The following INVS variants were observed in gnomAD, a reference collection of about 807,000 sequenced individuals.
The protein encoded by INVS is inversion of embryo turning homolog.
INVS carries 86 observed loss-of-function variants against 108.8 expected under a neutral mutation model. That is an observed-to-expected ratio of 0.79 (90% CI 0.66 to 0.95). The LOEUF (loss-of-function observed/expected upper bound fraction) is 0.95, where lower values mean the gene tolerates loss of function less well. INVS is among the 40% of genes least tolerant of loss of function. The pLI is 0.00. For missense variants in INVS, 1,169 were observed against 1,297.4 expected (o/e 0.90, Z 1.52); for synonymous variants, 455 against 473.5 (o/e 0.96, Z 0.51).
At chr9:100,156,120 A>C (rs1228985440) in intron 3 of INVS, among the ~76,000 whole-genome samples, 1 of 152,160 alleles carries the variant, frequency 6.6e-6, no homozygotes, top group African/African-American at 2.4e-5. Flanking sequence ...CAAGATATCT[A>C]ACAAAGCCTA....
At chr9:100,183,681 C>T (rs1462044982) in intron 3 of INVS, among the ~76,000 whole-genome samples, 1 of 151,156 alleles carries the variant, frequency 6.6e-6, no homozygotes, top group African/African-American at 2.4e-5. Context: ...GTCCCAGCTA[C>T]TCGGGAGGCT....
intron 8 of INVS, among the ~76,000 whole-genome samples, chr9:100,250,552 A>T (rs1393207871): frequency 8.0e-6 from 1 of 124,940 alleles, no homozygotes; most frequent in Admixed American, 7.7e-5. Flanking sequence ...AGAGGTGTTT[A>T]AATTCAGATT....
intron 3 of INVS, among the ~76,000 whole-genome samples, chr9:100,148,574 T>C (rs1828704800): frequency 6.6e-6 from 1 of 152,134 alleles, no homozygotes; most frequent in African/African-American, 2.4e-5. Context: ...GAAAAGTAAT[T>C]AAACTGTGCA....
At chr9:100,121,607 T>C (rs1827728221) in intron 2 of INVS, among the ~76,000 whole-genome samples, 1 of 152,202 alleles carries the variant, frequency 6.6e-6, no homozygotes. Context: ...TTTTTAATGA[T>C]CAATCTGATT....
intron 3 of INVS, among the ~76,000 whole-genome samples, chr9:100,162,209 C>T (rs551579433): frequency 2.0e-5 from 3 of 152,178 alleles, no homozygotes; most frequent in East Asian, 3.9e-4. Flanking sequence ...TTGGGTGGCT[C>T]TATAGTCATT....
intron 3 of INVS, among the ~76,000 whole-genome samples, chr9:100,168,719 G>A (rs1300347788): frequency 2.0e-5 from 3 of 152,170 alleles, no homozygotes; most frequent in East Asian, 1.9e-4. Flanking sequence ...GAGGAGAAAG[G>A]CATGTGAAAG....
At position 100,284,462 on chromosome 9, in the gene INVS, C is replaced by T; in HGVS notation, c.1927C>T (p.Gln643Ter). The T allele has an allele frequency of 6.2e-7, 1 of 1,614,174 alleles. No individual in the cohort carries two copies. Among genetic ancestry groups the T allele is most frequent in the Non-Finnish European group, 8.5e-7 (1 of 1,180,026 alleles). Residue 643 changes from glutamine (Q) to a stop codon, truncating the protein, a stop_gained, in exon 13 of 17, where the codon CAG becomes TAG. Transcript: ENST00000262457. LOFTEE classifies it high-confidence loss of function. ...CAGGCAGAGCCGGGCCCCCAGCAAG[C>T]AGCCTCCTGCTGGCAACGTGGCCCA... ...PSRQSRAPSKQPPAGNVAQGP... is the reference protein window; with the variant it reads ...PSRQSRAPSK
At chr9:100,246,529 A>G in intron 7 of INVS, 87 bp from the exon 8 acceptor site, 1 of 913,436 alleles carries the variant, frequency 1.1e-6, no homozygotes, top group Non-Finnish European at 1.7e-6. Flanking sequence ...TTGCTTCTTA[A>G]TGGAATTCAC....
chr9:100,200,273 G>T (rs1381889004), intron 3 of INVS, among the ~76,000 whole-genome samples: 1 of 151,878 alleles, frequency 6.6e-6, no homozygotes, highest in African/African-American at 2.4e-5. Context: ...CCAACATCTG[G>T]GTTATCTTAA....
intron 3 of INVS, among the ~76,000 whole-genome samples, chr9:100,222,297 G>A (rs898397019): frequency 2.6e-5 from 4 of 152,130 alleles, no homozygotes; most frequent in African/African-American, 4.8e-5. Context: ...CATTTCATAT[G>A]CATAATAACT....
At chr9:100,203,918 T>C (rs976677418) in intron 3 of INVS, among the ~76,000 whole-genome samples, 5 of 152,190 alleles carry the variant, frequency 3.3e-5, no homozygotes, top group Admixed American at 6.5e-5. Context: ...CTAGAAGCTC[T>C]GAGAAGTTGC....
In INVS at chr9:100,229,599, T is replaced by C. The variant is rs543178265; in HGVS notation, c.448-61T>C. 1,341 of 1,475,946 alleles carry C rather than the reference T, an allele frequency of 9.1e-4. 38 individuals are homozygous for C. The South Asian group carries it at 0.013, about 15-fold the overall frequency. 91.4% of individuals were successfully genotyped at this position (1,475,946 alleles called of 1,614,324 possible). Reference sequence around the variant, plus strand: ...TCTTATAACAGTGCCTGTCCCACAATAAAAGATTGGGGAAAGTTAGTTGTT... The same window carrying C: ...TCTTATAACAGTGCCTGTCCCACAACAAAAGATTGGGGAAAGTTAGTTGTT... On this transcript the variant is annotated intron_variant, in intron 4 of 16. Transcript: ENST00000262457.
intron 16 of INVS, chr9:100,298,411 C>A: frequency 1.3e-6 from 1 of 782,350 alleles, no homozygotes; most frequent in Non-Finnish European, 1.6e-6. Context: ...ACACTGAGAG[C>A]ATGTACAGCC....
chr9:100,151,328 A>T (rs1828800772), intron 3 of INVS, among the ~76,000 whole-genome samples: 1 of 151,984 alleles, frequency 6.6e-6, no homozygotes, highest in South Asian at 2.1e-4. Flanking sequence ...AATTTTTAAA[A>T]ATTCGCCAGG....
intron 1 of INVS, among the ~76,000 whole-genome samples, chr9:100,103,842 T>A (rs1370651447): frequency 1.3e-5 from 2 of 152,082 alleles, no homozygotes; most frequent in African/African-American, 2.4e-5. Context: ...TGAGTCACCA[T>A]GCCCAGCCCT....
rs200604109 is a variant in INVS at position 100,101,073 on chromosome 9, TACAC to T, written c.-25+1667_-25+1670del. 1.0e-2 allele frequency among the ~76,000 whole-genome samples: 1,208 copies of T among 121,096 alleles called. 14 individuals carry two copies. The highest frequency in any genetic ancestry group is 0.036 in the African/African-American group (1,123 of 31,506). 79.4% of individuals were successfully genotyped at this position (121,096 alleles called of 152,430 possible). On this transcript the variant is annotated intron_variant, in intron 1 of 16. Coordinates refer to ENST00000262457, the MANE Select transcript of INVS (RefSeq NM_014425.5). ...ATATAATTTATATATGTATAATATATACACACACACACATATATATAAAACAGAG... is the reference window on the plus strand; with the variant it reads ...ATATAATTTATATATGTATAATATATACACACACATATATATAAAACAGAG...
intron 3 of INVS, among the ~76,000 whole-genome samples, chr9:100,197,316 C>G (rs1830407733): frequency 6.6e-6 from 1 of 152,152 alleles, no homozygotes; most frequent in Non-Finnish European, 1.5e-5. Flanking sequence ...CTCATGCCTA[C>G]AATCCCAGCA....
chr9:100,204,924 C>T (rs534661534), intron 3 of INVS, among the ~76,000 whole-genome samples: 13 of 152,046 alleles, frequency 8.6e-5, no homozygotes, highest in Admixed American at 2.0e-4. Context: ...TCTTGAATTG[C>T]GCTTGACCTT....
intron 2 of INVS, among the ~76,000 whole-genome samples, chr9:100,123,209 T>A (rs1194732012): frequency 6.6e-6 from 1 of 152,186 alleles, no homozygotes; most frequent in East Asian, 1.9e-4. Context: ...TTAGAACACT[T>A]TCATTATCCC....
Sources: allele counts gnomAD v4.1 joint callset (sites outside exome capture counted in the v4.1 genomes callset), GRCh38; gene constraint gnomAD v4.1.1; transcripts MANE v1.5; gene names NCBI Gene and HGNC (gene_info 2026-07-23, HGNC 2026-07-21).